CACNA2D1: variants seen among roughly 807,000 people sequenced by gnomAD.
CACNA2D1 encodes the protein calcium voltage-gated channel auxiliary subunit alpha2delta 1.
CACNA2D1 carries 53 observed loss-of-function variants against 171.5 expected under a neutral mutation model. The ratio of observed to expected loss-of-function variants is 0.31; its 90% CI spans 0.25 to 0.39. The LOEUF (loss-of-function observed/expected upper bound fraction) is 0.39. Ranked by LOEUF, CACNA2D1 falls within the 10% of genes least tolerant of loss-of-function variation. The pLI, the probability that CACNA2D1 is intolerant of heterozygous loss-of-function variation, is 1.00. For missense variants in CACNA2D1, 903 were observed against 1,299.8 expected, an observed-to-expected ratio of 0.69 and a Z score of 4.69; for synonymous variants, 442 against 443.1, an observed-to-expected ratio of 1.00 and a Z score of 0.03.
chr7:82,212,149 C>A (rs1227667135), intron 3 of CACNA2D1, among the ~76,000 whole-genome samples: 1 of 152,030 alleles, frequency 6.6e-6, no homozygotes, highest in Non-Finnish European at 1.5e-5. Flanking sequence ...AGCCAGAAGG[C>A]ATATAACCAG....
In CACNA2D1 at chr7:82,049,126, T is replaced by TAAA. The variant is rs10652736; in HGVS notation, c.880-10894_880-10892dup. Among the ~76,000 whole-genome samples, 1,102 of 138,948 alleles carry TAAA rather than the reference T, an allele frequency of 7.9e-3. 12 individuals carry two copies. Among genetic ancestry groups the TAAA allele is most frequent in the South Asian group, 0.037 (162 of 4,358 alleles). The allele number at this position is 138,948 out of a possible 152,430, so 91.2% of individuals were successfully genotyped here. On this transcript the variant is annotated intron_variant, in intron 10 of 38. Transcript: ENST00000356860. ...AATTAAGTTATCTTCTGGCAACTCA[T>TAAA]AAAAAAAAAAAAAAAAGAAAAATCC...
At chr7:82,126,153 A>G (rs1208797035) in intron 5 of CACNA2D1, among the ~76,000 whole-genome samples, 1 of 152,174 alleles carries the variant, frequency 6.6e-6, no homozygotes, top group Non-Finnish European at 1.5e-5. Flanking sequence ...AAAAGCAGAG[A>G]GATTATGTGA....
chr7:82,404,527 G>A (rs1014430063), intron 1 of CACNA2D1, among the ~76,000 whole-genome samples: 3 of 152,136 alleles, frequency 2.0e-5, no homozygotes, highest in African/African-American at 7.2e-5. Flanking sequence ...GGTTAAGAAG[G>A]GGTCAAGGTT....
intron 12 of CACNA2D1, among the ~76,000 whole-genome samples, chr7:82,032,397 T>C (rs551505488): frequency 4.6e-5 from 7 of 151,938 alleles, no homozygotes; most frequent in Admixed American, 3.9e-4. Flanking sequence ...TTTTGAGTAT[T>C]TAGGAAATTT....
At chr7:81,999,789 A>G (rs1195877459) in intron 18 of CACNA2D1, among the ~76,000 whole-genome samples, 1 of 152,208 alleles carries the variant, frequency 6.6e-6, no homozygotes, top group East Asian at 1.9e-4. Flanking sequence ...ACAATTTACT[A>G]TATCAAGAAA....
chr7:82,326,390 AC>A (rs1240664965), intron 3 of CACNA2D1, among the ~76,000 whole-genome samples: 1 of 152,216 alleles, frequency 6.6e-6, no homozygotes, highest in Non-Finnish European at 1.5e-5. Flanking sequence ...CTTACTGTAT[AC>A]ACAGCTGGGT....
intron 4 of CACNA2D1, among the ~76,000 whole-genome samples, chr7:82,166,889 C>T (rs1305145333): frequency 6.6e-6 from 1 of 152,012 alleles, no homozygotes; most frequent in African/African-American, 2.4e-5. Context: ...GTGTGAATTG[C>T]ATAAGTCCTT....
chr7:82,246,989 G>T (rs189080272), intron 3 of CACNA2D1, among the ~76,000 whole-genome samples: 34 of 152,248 alleles, frequency 2.2e-4, no homozygotes, highest in African/African-American at 7.0e-4. Context: ...GCTTTGAGAA[G>T]AAGGGAGGTC....
intron 5 of CACNA2D1, among the ~76,000 whole-genome samples, chr7:82,117,935 AAAT>A: frequency 6.6e-6 from 1 of 152,316 alleles, no homozygotes; most frequent in South Asian, 2.1e-4. Context: ...ATTCTTTGAC[AAAT>A]AATGGTACAC....
At chr7:82,122,462 C>T (rs1789850460) in intron 5 of CACNA2D1, among the ~76,000 whole-genome samples, 11 of 152,082 alleles carry the variant, frequency 7.2e-5, no homozygotes, top group Admixed American at 7.2e-4. Flanking sequence ...CCATGAATTG[C>T]CTATCACAAG....
chr7:82,389,296 G>C (rs995356387), intron 1 of CACNA2D1, among the ~76,000 whole-genome samples: 8 of 151,284 alleles, frequency 5.3e-5, no homozygotes, highest in Non-Finnish European at 1.2e-4. Flanking sequence ...TTTTTTTATA[G>C]AAAGTTATTA....
chr7:82,040,764 C>T (rs974542082), intron 10 of CACNA2D1, among the ~76,000 whole-genome samples: 13 of 152,040 alleles, frequency 8.6e-5, no homozygotes, highest in Admixed American at 3.3e-4. Context: ...CACCTGAGGT[C>T]GGGAGTTTGA....
intron 12 of CACNA2D1, among the ~76,000 whole-genome samples, chr7:82,019,088 G>A (rs1800862558): frequency 6.6e-6 from 1 of 152,158 alleles, no homozygotes; most frequent in Non-Finnish European, 1.5e-5. Context: ...TTGGGAGGCT[G>A]AGGCAGGTGG....
intron 5 of CACNA2D1, among the ~76,000 whole-genome samples, chr7:82,130,774 T>G (rs1042906399): frequency 2.7e-5 from 4 of 148,234 alleles, no homozygotes; most frequent in South Asian, 2.1e-4. Flanking sequence ...GCTTGTTTTT[T>G]TTGTTGTTGT....
At chr7:82,369,837 C>A (rs573708438) in intron 1 of CACNA2D1, among the ~76,000 whole-genome samples, 1 of 151,932 alleles carries the variant, frequency 6.6e-6, no homozygotes, top group African/African-American at 2.4e-5. Flanking sequence ...TCAATTAAAA[C>A]AAAAAGAAAA....
intron 4 of CACNA2D1, among the ~76,000 whole-genome samples, chr7:82,142,520 A>T (rs1792519875): frequency 6.6e-6 from 1 of 152,182 alleles, no homozygotes; most frequent in African/African-American, 2.4e-5. Context: ...TGGAACTAAG[A>T]TGTTGCCAGG....
intron 28 of CACNA2D1, 94 bp from the exon 29 acceptor site, chr7:81,969,067 C>A: frequency 1.3e-6 from 1 of 765,144 alleles, no homozygotes. Context: ...TAGTATTTTG[C>A]TTAAAAATTC....
rs375733834 is a variant in CACNA2D1, at chr7:81,959,832, G to T, written c.2967-3C>A. 22 of 1,610,918 alleles carry T rather than the reference G, an allele frequency of 1.4e-5. No individual in the cohort carries two copies. The African/African-American group carries it at 2.7e-4, about 20-fold the overall frequency. On this transcript the variant is annotated splice_region_variant and splice_polypyrimidine_tract_variant and intron_variant, in intron 36 of 38. Coordinates refer to ENST00000356860, the MANE Select transcript of CACNA2D1 (RefSeq NM_000722.4). Reference sequence around the variant, plus strand: ...TAAGCTTTTCTCCATGAAAGATTCTGCAAAATAAATATGGTATCATAGAAA... The same window carrying T: ...TAAGCTTTTCTCCATGAAAGATTCTTCAAAATAAATATGGTATCATAGAAA...
Position 82,258,817 on chromosome 7 carries a change from C to CTTTTTTTTTTTTTTTTTTTTT in CACNA2D1, c.294+76297_294+76317dup, listed in dbSNP as rs201927487. Reference sequence around the variant, plus strand: ...ATTTCTTTCTTTCTTTCTTACTTTTCTTTTTTTTTTTTTTTTTTTTTTGAG... The same window carrying CTTTTTTTTTTTTTTTTTTTTT: ...ATTTCTTTCTTTCTTTCTTACTTTTCTTTTTTTTTTTTTTTTTTTTTTTTTTTTTTTTTTTTTTTTTTTGAG... On this transcript the variant is annotated intron_variant, in intron 3 of 38. Transcript: ENST00000356860. Among the ~76,000 whole-genome samples, 12 of 72,624 alleles carry CTTTTTTTTTTTTTTTTTTTTT rather than the reference C, an allele frequency of 1.7e-4. 1 individual carries two copies. Among genetic ancestry groups the CTTTTTTTTTTTTTTTTTTTTT allele is most frequent in the Admixed American group, 3.4e-4 (2 of 5,868 alleles). The allele number at this position is 72,624 out of a possible 152,430, so 47.6% of individuals were successfully genotyped here. A position where few individuals can be genotyped will look rare whatever the true frequency, so the allele number is the denominator to read the frequency against.
Sources: gnomAD v4.1 joint callset for allele counts (sites outside exome capture counted in the v4.1 genomes callset) on GRCh38, gnomAD v4.1.1 for gene constraint, MANE v1.5 for transcripts, NCBI Gene and HGNC (gene_info 2026-07-23, HGNC 2026-07-21) for gene names.